The following RPS6KA2 variants were observed in gnomAD, a reference collection of about 807,000 sequenced individuals.
RPS6KA2 encodes the protein ribosomal protein S6 kinase alpha-2.
Under a neutral mutation model 91.8 loss-of-function variants are expected in RPS6KA2, and 42 were observed. The observed-to-expected ratio is 0.46, with a 90% CI of 0.36 to 0.59. The LOEUF is 0.59. RPS6KA2 is among the 20% of genes least tolerant of loss of function. The probability of loss-of-function intolerance (pLI) is 0.00; values close to 1 mark genes in which losing one functional copy is unlikely to be tolerated. For synonymous variants in RPS6KA2, 414 were observed against 393.6 expected (o/e 1.05, Z -0.61); for missense variants, 798 against 978.5 (o/e 0.82, Z 2.46).
At chr6:166,824,854 T>C (rs6933803) in intron 2 of RPS6KA2, among the ~76,000 whole-genome samples, 215 of 152,138 alleles carry the variant, frequency 1.4e-3, no homozygotes, top group African/African-American at 4.8e-3. Flanking sequence ...TGTGTGTGTA[T>C]CTATGTGTGT....
At chr6:166,582,351 A>G (rs1785048419) in intron 1 of RPS6KA2, among the ~76,000 whole-genome samples, 1 of 152,230 alleles carries the variant, frequency 6.6e-6, no homozygotes, top group African/African-American at 2.4e-5. Context: ...TCATTTGACC[A>G]TGAATGTGTT....
At chr6:166,488,008 T>C (rs1318195882) in intron 10 of RPS6KA2, among the ~76,000 whole-genome samples, 2 of 152,206 alleles carry the variant, frequency 1.3e-5, no homozygotes, top group Admixed American at 1.3e-4. Context: ...GAAAATCTAG[T>C]ATTTTTTCCG....
chr6:166,582,373 A>G (rs1785048735), intron 1 of RPS6KA2, among the ~76,000 whole-genome samples: 1 of 152,222 alleles, frequency 6.6e-6, no homozygotes, highest in Non-Finnish European at 1.5e-5. Flanking sequence ...AACAAAACCA[A>G]ACTTCTTGGG....
At chr6:166,531,463 AG>A (rs1327009715) in intron 2 of RPS6KA2, 150 bp from the exon 3 acceptor site, 5 of 639,972 alleles carry the variant, frequency 7.8e-6, no homozygotes, top group Non-Finnish European at 1.4e-5. Context: ...TCCAACGTCA[AG>A]GCTGCCGGAA....
rs964726034 is a variant in RPS6KA2, at chr6:166,554,593, G to A, written c.100-15809C>T. Among the ~76,000 whole-genome samples, 12 of 152,238 alleles carry A rather than the reference G, an allele frequency of 7.9e-5. 1 individual carries two copies. The highest frequency in any genetic ancestry group is 2.4e-4 in the African/African-American group (10 of 41,474). On this transcript the variant is annotated intron_variant, in intron 1 of 20. Coordinates refer to ENST00000265678, the MANE Select transcript of RPS6KA2 (RefSeq NM_021135.6). The surrounding 1 kb of genome is among the most constrained non-coding windows in gnomAD (Gnocchi z 4.3). ...GGTCTGATGCGATGTGAGAACTCGC[G>A]GCTGGCACGCGGGTGGCCATGGGGG...
intron 14 of RPS6KA2, among the ~76,000 whole-genome samples, chr6:166,439,400 G>A (rs1047729732): frequency 2.0e-5 from 3 of 152,218 alleles, no homozygotes; most frequent in Admixed American, 6.5e-5. Context: ...GAGCCACCGT[G>A]CCCGGCCATA....
At chr6:166,741,955 C>T (rs1407452009) in intron 2 of RPS6KA2, among the ~76,000 whole-genome samples, 1 of 152,158 alleles carries the variant, frequency 6.6e-6, no homozygotes, top group African/African-American at 2.4e-5. Context: ...AGTGAAACCC[C>T]CGTCTCTACT....
chr6:166,473,891 T>C (rs181087518), intron 10 of RPS6KA2, among the ~76,000 whole-genome samples: 1 of 152,310 alleles, frequency 6.6e-6, no homozygotes, highest in Admixed American at 6.5e-5. Flanking sequence ...GGTCTGCTTT[T>C]TCAATTTCTT....
chr6:166,657,647 C>G (rs775021929), intron 2 of RPS6KA2, among the ~76,000 whole-genome samples: 5 of 152,184 alleles, frequency 3.3e-5, no homozygotes, highest in African/African-American at 1.2e-4. Context: ...AGGAGCCGGA[C>G]ATCTGGGCCT....
rs181143367 is a variant in RPS6KA2, at chr6:166,560,830, G to A, written c.100-22046C>T. On this transcript the variant is annotated intron_variant, in intron 1 of 20. Transcript: ENST00000265678. ...GCTTTTTCTTTTATTCTTCCCTAAC[G>A]CTTCCCCAAGCATACACCAAAAGAA... Among the ~76,000 whole-genome samples, 9 of 152,078 alleles carry A rather than the reference G, an allele frequency of 5.9e-5. No homozygotes were observed. The East Asian group carries it at 1.5e-3, about 26-fold the overall frequency.
chr6:166,723,817 A>C (rs1300882158), intron 2 of RPS6KA2, among the ~76,000 whole-genome samples: 1 of 149,384 alleles, frequency 6.7e-6, no homozygotes, highest in Admixed American at 6.7e-5. Flanking sequence ...CTCCTGCCTC[A>C]GCCTCCTGAG....
intron 2 of RPS6KA2, among the ~76,000 whole-genome samples, chr6:166,746,582 T>C (rs1259947058): frequency 6.6e-6 from 1 of 152,224 alleles, no homozygotes; most frequent in Admixed American, 6.5e-5. Flanking sequence ...AGCCTCAGAT[T>C]CCACAAGTTG....
chr6:166,462,860 C>T (rs1780370513), intron 11 of RPS6KA2: 1 of 152,400 alleles, frequency 6.6e-6, no homozygotes, highest in African/African-American at 2.4e-5. Flanking sequence ...TTGCTGAGGG[C>T]CAGGGCCTTC....
intron 2 of RPS6KA2, among the ~76,000 whole-genome samples, chr6:166,850,417 T>C (rs1474963424): frequency 2.0e-5 from 3 of 152,204 alleles, no homozygotes; most frequent in Admixed American, 6.5e-5. Context: ...GGAGCTTTTG[T>C]AATTCTTGTA....
chr6:166,738,216 G>C lies in RPS6KA2; in HGVS notation c.123+119984C>G, dbSNP rs146870065. 1.3e-4 allele frequency among the ~76,000 whole-genome samples: 20 copies of C among 152,262 alleles called. No homozygotes were observed. In the East Asian group the frequency reaches 3.9e-3, roughly 29 times the overall value. The stretch of plus-strand genomic sequence containing the variant: ...TCATTATTATTATTTTAAATAAAAT[G>C]ACAGAAAGAGTAATTATAACTCAAA... On this transcript the variant is annotated intron_variant, in intron 2 of 21. Transcript: ENST00000503859.
At position 166,733,455 on chromosome 6, in the gene RPS6KA2, A is replaced by C. The variant is rs1005140377; in HGVS notation, c.123+124745T>G. 2.0e-5 allele frequency among the ~76,000 whole-genome samples: 3 copies of C among 152,244 alleles called. No individual in the cohort carries two copies. The highest frequency in any genetic ancestry group is 7.2e-5 in the African/African-American group (3 of 41,464). ...GGGCAGGATCTACTCCCAAAAAGAC[A>C]TAGGGACCCTTACAGTACGAGTTTT... On this transcript the variant is annotated intron_variant, in intron 2 of 21. Coordinates refer to the RPS6KA2 transcript ENST00000503859. The surrounding 1 kb of genome is among the most constrained non-coding windows in gnomAD (Gnocchi z 4.1).
chr6:166,488,314 T>C (rs1294311764), intron 10 of RPS6KA2, among the ~76,000 whole-genome samples: 1 of 151,974 alleles, frequency 6.6e-6, no homozygotes, highest in Non-Finnish European at 1.5e-5. Flanking sequence ...AACACCCTGC[T>C]CCTGCTGCTG....
intron 10 of RPS6KA2, among the ~76,000 whole-genome samples, chr6:166,471,480 T>C (rs1780767516): frequency 6.6e-6 from 1 of 152,212 alleles, no homozygotes; most frequent in South Asian, 2.1e-4. Flanking sequence ...CGAACCCACA[T>C]ACTAAATGCC....
In RPS6KA2 at chr6:166,435,421, T is replaced by C. The variant is rs1779262086; in HGVS notation, c.1333-2931A>G. On this transcript the variant is annotated intron_variant, in intron 14 of 20. Coordinates refer to ENST00000265678, the MANE Select transcript of RPS6KA2 (RefSeq NM_021135.6). This position sits in a 1 kb window ranked among gnomAD's most constrained non-coding sequence, Gnocchi z 4.3. ...CTAGAATCTGATACACATTTAAGCA[T>C]GCATGTTGACTTTCATTACATTTTC... Among the ~76,000 whole-genome samples, 1 of 152,266 alleles carries C rather than the reference T, an allele frequency of 6.6e-6. No homozygotes were observed. The highest frequency in any genetic ancestry group is 1.5e-5 in the Non-Finnish European group (1 of 68,046).
Sources: allele counts gnomAD v4.1 joint callset (sites outside exome capture counted in the v4.1 genomes callset), GRCh38; gene constraint gnomAD v4.1.1; non-coding constraint Gnocchi (gnomAD v3.1); transcripts MANE v1.5; gene names NCBI Gene and HGNC (gene_info 2026-07-23, HGNC 2026-07-21).